The following GALNT13 variants were observed in gnomAD, a reference collection of about 807,000 sequenced individuals.
GALNT13 encodes the protein UDP-GalNAc:polypeptide N-acetylgalactosaminyltransferase 13.
GALNT13 carries 28 observed loss-of-function variants against 64.2 expected under a neutral mutation model. The observed-to-expected ratio is 0.44, with a 90% confidence interval of 0.32 to 0.60. GALNT13 has a LOEUF of 0.60. Ranked by LOEUF, GALNT13 falls within the 20% of genes least tolerant of loss-of-function variation. The pLI is 0.05. For missense variants in GALNT13, 577 were observed against 669.8 expected, an observed-to-expected ratio of 0.86 and a Z score of 1.53; for synonymous variants, 214 against 224.6, an observed-to-expected ratio of 0.95 and a Z score of 0.42.
chr2:153,888,967 A>C (rs954258797), intron 1 of GALNT13, among the ~76,000 whole-genome samples: 1 of 152,020 alleles, frequency 6.6e-6, no homozygotes, highest in Non-Finnish European at 1.5e-5. Flanking sequence ...ATAGTTATAA[A>C]ATATTTAGCA....
chr2:153,398,243 G>C, the GALNT13 span, among the ~76,000 whole-genome samples: 1 of 152,052 alleles, frequency 6.6e-6, no homozygotes. Flanking sequence ...CCCTACAAAG[G>C]ACATAAACTC....
At chr2:154,388,768 T>G (rs1251834615) in intron 9 of GALNT13, among the ~76,000 whole-genome samples, 1 of 152,110 alleles carries the variant, frequency 6.6e-6, no homozygotes, top group Non-Finnish European at 1.5e-5. Flanking sequence ...TTACTGAGAG[T>G]AAATAACAAA....
intron 3 of GALNT13, among the ~76,000 whole-genome samples, chr2:153,967,332 C>T (rs980183384): frequency 9.2e-5 from 14 of 152,122 alleles, no homozygotes; most frequent in African/African-American, 2.4e-4. Context: ...GTATTTATCA[C>T]GATCTTTGCA....
chr2:153,176,397 G>A, the GALNT13 span, among the ~76,000 whole-genome samples: 2 of 152,112 alleles, frequency 1.3e-5, no homozygotes, highest in African/African-American at 2.4e-5. Context: ...TGATCCATCT[G>A]TTACAGTTAC....
At chr2:153,501,036 G>A in the GALNT13 span, among the ~76,000 whole-genome samples, 1 of 151,516 alleles carries the variant, frequency 6.6e-6, no homozygotes, top group East Asian at 2.0e-4. Context: ...TATTTCAGGG[G>A]CCCTCTGTAG....
chr2:153,625,663 C>T, the GALNT13 span, among the ~76,000 whole-genome samples: 2 of 152,084 alleles, frequency 1.3e-5, no homozygotes, highest in African/African-American at 4.8e-5. Flanking sequence ...TTCTATTATC[C>T]TCCTTGACTG....
the GALNT13 span, among the ~76,000 whole-genome samples, chr2:153,549,513 T>G: frequency 6.6e-6 from 1 of 152,184 alleles, no homozygotes; most frequent in African/African-American, 2.4e-5. Flanking sequence ...ATTGGATGTG[T>G]GAGAGCTCCA....
At chr2:154,205,439 GA>G (rs904407200) in intron 4 of GALNT13, among the ~76,000 whole-genome samples, 3 of 151,984 alleles carry the variant, frequency 2.0e-5, no homozygotes, top group African/African-American at 7.2e-5. Flanking sequence ...ACATTTAGTA[GA>G]AAAAAAGATT....
intron 9 of GALNT13, among the ~76,000 whole-genome samples, chr2:154,321,855 A>G (rs977362989): frequency 3.3e-5 from 5 of 152,172 alleles, no homozygotes; most frequent in Non-Finnish European, 1.5e-5. Flanking sequence ...ATTTTTGTGC[A>G]TAATAAAATG....
the GALNT13 span, among the ~76,000 whole-genome samples, chr2:153,684,645 T>A: frequency 2.0e-5 from 3 of 151,816 alleles, no homozygotes; most frequent in African/African-American, 7.2e-5. Context: ...TTCTGTTTTT[T>A]AAATTTTTTT....
chr2:154,089,253 G>C (rs1005141638), intron 3 of GALNT13, among the ~76,000 whole-genome samples: 33 of 152,136 alleles, frequency 2.2e-4, no homozygotes, highest in African/African-American at 7.7e-4. Flanking sequence ...TTGGCTCCTG[G>C]ACAGTGGTCT....
chr2:154,162,040 C>A (rs1034014001), intron 4 of GALNT13, among the ~76,000 whole-genome samples: 1 of 152,144 alleles, frequency 6.6e-6, no homozygotes, highest in Admixed American at 6.5e-5. Flanking sequence ...CTCGGCCTCC[C>A]AAAGTGGTGG....
chr2:153,607,086 T>C, the GALNT13 span, among the ~76,000 whole-genome samples: 1 of 151,966 alleles, frequency 6.6e-6, no homozygotes, highest in East Asian at 1.9e-4. Flanking sequence ...GTGTGAGCAG[T>C]TATTGAAGTT....
intron 3 of GALNT13, among the ~76,000 whole-genome samples, chr2:153,964,080 C>A (rs538101193): frequency 6.6e-6 from 1 of 151,524 alleles, no homozygotes; most frequent in Admixed American, 6.6e-5. Context: ...TTTTTCCCCC[C>A]CAAAAGAAAC....
chr2:153,140,000 C>T, the GALNT13 span, among the ~76,000 whole-genome samples: 1 of 151,922 alleles, frequency 6.6e-6, no homozygotes, highest in African/African-American at 2.4e-5. Context: ...TTACAAACTT[C>T]TTTATTCTCC....
At chr2:153,077,773 G>A in the GALNT13 span, among the ~76,000 whole-genome samples, 1 of 152,182 alleles carries the variant, frequency 6.6e-6, no homozygotes, top group Non-Finnish European at 1.5e-5. Flanking sequence ...GAATTGGGGA[G>A]CAACAAACTG....
At chr2:153,071,836 T>G in the GALNT13 span, among the ~76,000 whole-genome samples, 30 of 152,332 alleles carry the variant, frequency 2.0e-4, no homozygotes, top group African/African-American at 7.0e-4. Context: ...TTTATATTTT[T>G]TATGGGTTTT....
At chr2:153,116,598 T>TA in the GALNT13 span, among the ~76,000 whole-genome samples, 1 of 152,030 alleles carries the variant, frequency 6.6e-6, no homozygotes, top group African/African-American at 2.4e-5. Flanking sequence ...ATTTAGAGCA[T>TA]AAAAAAATCA....
the GALNT13 span, among the ~76,000 whole-genome samples, chr2:153,665,746 C>A: frequency 2.0e-5 from 3 of 152,220 alleles, no homozygotes; most frequent in South Asian, 6.2e-4. Flanking sequence ...TTGAGTTAGA[C>A]AGGCATGGAG....
Sources: allele counts gnomAD v4.1 joint callset (sites outside exome capture counted in the v4.1 genomes callset), GRCh38; gene constraint gnomAD v4.1.1; transcripts MANE v1.5; gene names NCBI Gene and HGNC (gene_info 2026-07-23, HGNC 2026-07-21).